The following THADA variants were observed in gnomAD, a reference collection of about 807,000 sequenced individuals.
THADA encodes the protein tRNA (32-2'-O)-methyltransferase regulator THADA.
In THADA, 213 loss-of-function variants were observed where a neutral mutation model predicts 219.8. The observed-to-expected ratio is 0.97, with a 90% CI of 0.87 to 1.09. The LOEUF (loss-of-function observed/expected upper bound fraction) is 1.09, where lower values mean the gene tolerates loss of function less well. THADA is among the 50% of genes least tolerant of loss of function. The pLI is 0.00. For synonymous variants in THADA, 1,018 were observed against 828.9 expected (o/e 1.23, Z -3.92); for missense variants, 2,956 against 2,311.3 (o/e 1.28, Z -5.72).
intron 25 of THADA, among the ~76,000 whole-genome samples, chr2:43,493,439 G>A (rs148711069): frequency 6.6e-6 from 1 of 152,280 alleles, no homozygotes; most frequent in African/African-American, 2.4e-5. Flanking sequence ...AGGTTGCAGT[G>A]AGATGAGATT....
chr2:43,287,039 T>C lies in THADA; in HGVS notation c.5033A>G (p.Glu1678Gly), dbSNP rs750259984. 7.9e-5 allele frequency: 127 copies of C among 1,613,224 alleles called. No homozygotes were observed. Among genetic ancestry groups the C allele is most frequent in the Non-Finnish European group, 1.0e-4 (121 of 1,179,488 alleles). ...CVENRELIAA[E>G]LKQWVQLVIL... is the part of the protein sequence containing the mutation. ...GACCAGCTGAACCCACTGCTTCAGC[T>C]CAGCAGCTATCAATTCCCTGTTCTA... Residue 1678 changes from glutamate to glycine, a missense_variant, in exon 35 of 38, where the codon GAG becomes GGG. Coordinates refer to ENST00000405975, the MANE Select transcript of THADA (RefSeq NM_022065.5).
rs1046636328 is a variant in THADA, at chr2:43,525,252, C to T, written c.3374+2627G>A. ...ACTCCCTAGTAACCTCTACTATTCA[C>T]ATTCAGTTGGTTCATGTGGCAGATG... On this transcript the variant is annotated intron_variant, in intron 22 of 37. Coordinates refer to ENST00000405975, the MANE Select transcript of THADA (RefSeq NM_022065.5). 2.0e-5 allele frequency among the ~76,000 whole-genome samples: 3 copies of T among 152,202 alleles called. No homozygotes were observed. The East Asian group carries it at 5.8e-4, about 29-fold the overall frequency.
At chr2:43,406,913 T>C (rs1189394192) in intron 28 of THADA, among the ~76,000 whole-genome samples, 2 of 151,940 alleles carry the variant, frequency 1.3e-5, no homozygotes, top group African/African-American at 2.4e-5. Flanking sequence ...AATGAAAGAG[T>C]TGCACATTCC....
At chr2:43,479,592 G>C (rs1278560771) in intron 26 of THADA, among the ~76,000 whole-genome samples, 1 of 150,750 alleles carries the variant, frequency 6.6e-6, no homozygotes, top group Non-Finnish European at 1.5e-5. Flanking sequence ...TCAAACATAA[G>C]AGTTTTATAG....
intron 29 of THADA, among the ~76,000 whole-genome samples, chr2:43,369,080 A>T (rs1241479534): frequency 6.6e-6 from 1 of 152,206 alleles, no homozygotes; most frequent in African/African-American, 2.4e-5. Flanking sequence ...TATTATTGTT[A>T]TCTCTGCCCT....
intron 22 of THADA, among the ~76,000 whole-genome samples, chr2:43,515,353 A>T (rs1691566710): frequency 2.5e-5 from 1 of 39,820 alleles, no homozygotes; most frequent in Non-Finnish European, 4.1e-5. Flanking sequence ...ATAATATTTT[A>T]TATATAATAT....
At chr2:43,321,440 T>C (rs1197817198) in intron 30 of THADA, among the ~76,000 whole-genome samples, 2 of 152,230 alleles carry the variant, frequency 1.3e-5, no homozygotes, top group African/African-American at 4.8e-5. Context: ...AATGTAATGC[T>C]ATTGTAACAC....
At chr2:43,530,368 G>A (rs905270609) in intron 21 of THADA, among the ~76,000 whole-genome samples, 4 of 152,080 alleles carry the variant, frequency 2.6e-5, no homozygotes, top group Non-Finnish European at 4.4e-5. Context: ...GCTTAAATCC[G>A]AATTAAACCC....
chr2:43,309,390 T>C (rs1329038144), intron 31 of THADA, among the ~76,000 whole-genome samples: 1 of 152,212 alleles, frequency 6.6e-6, no homozygotes, highest in Non-Finnish European at 1.5e-5. Flanking sequence ...TATGTGAATG[T>C]TCAGAGCAGC....
In THADA at chr2:43,367,351, T is replaced by A. The variant is rs547416263; in HGVS notation, c.4228-23114A>T. ...TGTTATGTGTCTTTTTTTAAAAAAATTTAATTAAAAAATTCCCTACACTCA... is the reference window on the plus strand; with the variant it reads ...TGTTATGTGTCTTTTTTTAAAAAAAATTAATTAAAAAATTCCCTACACTCA... On this transcript the variant is annotated intron_variant, in intron 29 of 37. Coordinates refer to ENST00000405975, the MANE Select transcript of THADA (RefSeq NM_022065.5). Among the ~76,000 whole-genome samples, 85 of 151,608 alleles carry A rather than the reference T, an allele frequency of 5.6e-4. 1 individual carries two copies. Among genetic ancestry groups the A allele is most frequent in the Non-Finnish European group, 1.0e-3 (70 of 67,812 alleles).
intron 36 of THADA, among the ~76,000 whole-genome samples, chr2:43,248,778 G>GC (rs1553353076): frequency 6.6e-6 from 1 of 152,098 alleles, no homozygotes; most frequent in Non-Finnish European, 1.5e-5. Context: ...AGAAGGAGCG[G>GC]CCCGGGCCGC....
intron 26 of THADA, among the ~76,000 whole-genome samples, chr2:43,439,935 T>C (rs1026665453): frequency 6.6e-6 from 1 of 152,336 alleles, no homozygotes; most frequent in Admixed American, 6.5e-5. Flanking sequence ...AAAAAAGAAA[T>C]CCTTACTCCT....
At position 43,232,819 on chromosome 2, in the gene THADA, TCA is replaced by T; in HGVS notation, c.5358_5359del (p.Cys1786Ter). The T allele has an allele frequency of 6.2e-7, 1 of 1,613,068 alleles. No individual in the cohort carries two copies. The highest frequency in any genetic ancestry group is 8.5e-7 in the Non-Finnish European group (1 of 1,179,614). On this transcript the variant is annotated stop_gained and frameshift_variant, in exon 37 of 38. Transcript: ENST00000405975. LOFTEE classifies it high-confidence loss of function. Reference sequence around the variant, plus strand: ...CAACTGGTCCCACTGCTGGAGCAGATCACACAGGACGGCCAGGGCCAGGGCCA... The same window carrying T: ...CAACTGGTCCCACTGCTGGAGCAGATCACAGGACGGCCAGGGCCAGGGCCA...
At chr2:43,245,928 G>T (rs1473516044) in intron 36 of THADA, among the ~76,000 whole-genome samples, 3 of 151,968 alleles carry the variant, frequency 2.0e-5, no homozygotes, top group Non-Finnish European at 4.4e-5. Context: ...AATCCAGAAA[G>T]TGTCTTACTA....
intron 35 of THADA, among the ~76,000 whole-genome samples, chr2:43,280,374 C>T (rs1186834728): frequency 1.3e-5 from 2 of 152,194 alleles, no homozygotes; most frequent in Non-Finnish European, 2.9e-5. Flanking sequence ...TGGCTCATGC[C>T]TGTAATCCCA....
chr2:43,313,694 A>C (rs1677761324), intron 31 of THADA, among the ~76,000 whole-genome samples: 1 of 152,284 alleles, frequency 6.6e-6, no homozygotes, highest in African/African-American at 2.4e-5. Context: ...GGCCCCATAA[A>C]AGCCTGTGAC....
intron 36 of THADA, among the ~76,000 whole-genome samples, chr2:43,237,071 C>CAAA (rs35242458): frequency 6.4e-5 from 5 of 78,170 alleles, no homozygotes; most frequent in Non-Finnish European, 1.1e-4. Flanking sequence ...GACTCTGTCT[C>CAAA]AAAAAAAAAA....
Position 43,570,503 on chromosome 2 carries a change from C to T in THADA, c.2072G>A (p.Cys691Tyr), listed in dbSNP as rs1490220948. 1.2e-6 allele frequency: 2 copies of T among 1,605,172 alleles called. No individual in the cohort carries two copies. Among genetic ancestry groups the T allele is most frequent in the Non-Finnish European group, 8.5e-7 (1 of 1,177,602 alleles). ...QICSLLKKLF[C>Y]RIQESSQVLY... ...TACCTGAGAACTTTCCTGTATCCTA[C>T]AAAACAACTTTTGAAACAAAGGAAA... Residue 691 changes from cysteine to tyrosine, a missense_variant, in exon 14 of 38, where the codon TGT becomes TAT. Coordinates refer to ENST00000405975, the MANE Select transcript of THADA (RefSeq NM_022065.5).
intron 26 of THADA, among the ~76,000 whole-genome samples, chr2:43,482,308 C>T (rs1378187828): frequency 1.3e-5 from 2 of 152,094 alleles, no homozygotes; most frequent in African/African-American, 2.4e-5. Context: ...TACAGGTACC[C>T]TCTACACACT....
Sources: allele counts gnomAD v4.1 joint callset (sites outside exome capture counted in the v4.1 genomes callset), GRCh38; gene constraint gnomAD v4.1.1; transcripts MANE v1.5; gene names NCBI Gene and HGNC (gene_info 2026-07-23, HGNC 2026-07-21).